The following LRRC4C variants were observed in gnomAD, a reference collection of about 807,000 sequenced individuals.
LRRC4C encodes leucine-rich repeat-containing protein 4C.
A neutral mutation model predicts 33.6 loss-of-function variants in LRRC4C; 5 were observed. That is an observed-to-expected ratio of 0.15 (90% CI 0.08 to 0.31). The LOEUF (loss-of-function observed/expected upper bound fraction) is 0.31, where lower values mean the gene tolerates loss of function less well. Among genes scored for constraint, LRRC4C ranks in the 10% least tolerant of loss-of-function variants. LRRC4C has a pLI of 1.00. For missense variants in LRRC4C, 560 were observed against 796.7 expected (o/e 0.70, Z 3.58); for synonymous variants, 329 against 302.0 (o/e 1.09, Z -0.93).
chr11:41,231,288 C>T (rs1043904467), intron 1 of LRRC4C, among the ~76,000 whole-genome samples: 1 of 152,070 alleles, frequency 6.6e-6, no homozygotes, highest in Non-Finnish European at 1.5e-5. Context: ...GATTATAAAT[C>T]ATGCTGCTAT....
intron 1 of LRRC4C, among the ~76,000 whole-genome samples, chr11:41,056,420 T>C (rs1441913438): frequency 6.6e-6 from 1 of 152,186 alleles, no homozygotes; most frequent in Non-Finnish European, 1.5e-5. Context: ...AAGTGAGACC[T>C]AATTAAACTA....
chr11:41,099,942 T>G (rs929124742), intron 1 of LRRC4C, among the ~76,000 whole-genome samples: 1 of 152,126 alleles, frequency 6.6e-6, no homozygotes, highest in African/African-American at 2.4e-5. Flanking sequence ...GAAAACCCCA[T>G]AGTCTGAGTG....
chr11:40,980,915 C>G (rs900795787), intron 1 of LRRC4C, among the ~76,000 whole-genome samples: 2 of 152,286 alleles, frequency 1.3e-5, no homozygotes, highest in African/African-American at 2.4e-5. Flanking sequence ...ACGTAATAAA[C>G]AGTAACACAT....
intron 5 of LRRC4C, among the ~76,000 whole-genome samples, chr11:40,178,204 T>C (rs1860677221): frequency 6.6e-6 from 1 of 152,120 alleles, no homozygotes; most frequent in Admixed American, 6.5e-5. Flanking sequence ...TAAAGCGAGC[T>C]TCCAAAGAGT....
intron 2 of LRRC4C, among the ~76,000 whole-genome samples, chr11:40,865,363 G>T (rs911621722): frequency 6.6e-6 from 1 of 152,064 alleles, no homozygotes; most frequent in Non-Finnish European, 1.5e-5. Context: ...ATAGGAGGAT[G>T]ATTGTACAGC....
chr11:40,837,516 G>T (rs1952724795), intron 2 of LRRC4C, among the ~76,000 whole-genome samples: 1 of 151,756 alleles, frequency 6.6e-6, no homozygotes, highest in South Asian at 2.1e-4. Context: ...ATATTGTGAA[G>T]ATTATTAAAA....
At chr11:40,969,215 G>A (rs1007855449) in intron 1 of LRRC4C, among the ~76,000 whole-genome samples, 15 of 152,258 alleles carry the variant, frequency 9.9e-5, no homozygotes, top group Admixed American at 2.0e-4. Flanking sequence ...TAGAAGTGGT[G>A]TCTAAAGCTG....
At chr11:41,192,446 TACACAC>T (rs932733770) in intron 1 of LRRC4C, among the ~76,000 whole-genome samples, 2 of 150,408 alleles carry the variant, frequency 1.3e-5, no homozygotes, top group African/African-American at 2.4e-5. Context: ...TAGAAATGTA[TACACAC>T]ACACACACAT....
chr11:41,104,308 A>G (rs1339055451), intron 1 of LRRC4C, among the ~76,000 whole-genome samples: 2 of 151,948 alleles, frequency 1.3e-5, no homozygotes, highest in African/African-American at 4.8e-5. Flanking sequence ...ACAGATTTGA[A>G]TATGTATTTC....
chr11:40,196,588 A>C (rs1412048391), intron 5 of LRRC4C, among the ~76,000 whole-genome samples: 1 of 152,212 alleles, frequency 6.6e-6, no homozygotes, highest in Non-Finnish European at 1.5e-5. Flanking sequence ...ATACACATGC[A>C]CAAGTATGCA....
chr11:40,420,153 G>C (rs187013622), intron 3 of LRRC4C, among the ~76,000 whole-genome samples: 2 of 152,288 alleles, frequency 1.3e-5, no homozygotes, highest in East Asian at 3.9e-4. Flanking sequence ...GCAAATAGTT[G>C]GTGGTGACCG....
At chr11:40,710,122 G>A (rs528526438) in intron 2 of LRRC4C, among the ~76,000 whole-genome samples, 87 of 152,164 alleles carry the variant, frequency 5.7e-4, no homozygotes, top group African/African-American at 1.8e-3. Context: ...GCTTCTTTGC[G>A]ATGGGTTTGA....
At chr11:41,191,676 G>A (rs898712234) in intron 1 of LRRC4C, among the ~76,000 whole-genome samples, 9 of 152,090 alleles carry the variant, frequency 5.9e-5, no homozygotes, top group African/African-American at 9.7e-5. Context: ...ATTACAACTC[G>A]GGTGCTTTAG....
At position 40,249,613 on chromosome 11, in the gene LRRC4C, T is replaced by C. The variant is rs1054077347; in HGVS notation, c.-175-8015A>G. Among the ~76,000 whole-genome samples the C allele has an allele frequency of 4.6e-5, 7 of 150,926 alleles. No individual in the cohort carries two copies. In the East Asian group the frequency reaches 1.4e-3, roughly 29 times the overall value. On this transcript the variant is annotated intron_variant, in intron 4 of 6. Transcript: ENST00000528697. ...ATATGAAATATATTGTATATATGTA[T>C]GCGTATACACATGCCCACACGAAAA...
At chr11:40,496,744 G>A (rs1954481914) in intron 3 of LRRC4C, among the ~76,000 whole-genome samples, 1 of 152,146 alleles carries the variant, frequency 6.6e-6, no homozygotes, top group Admixed American at 6.5e-5. Flanking sequence ...CTGAAACCAT[G>A]TGTTTAGATG....
Position 40,452,550 on chromosome 11 carries a change from T to G in LRRC4C, c.-269-132829A>C, listed in dbSNP as rs1375827934. ...GAAACAACAGGTGCTGGAGAGGATG[T>G]GGAGAAATAGGAACACTTTTACACT... On this transcript the variant is annotated intron_variant, in intron 3 of 6. Coordinates refer to ENST00000528697, the MANE Select transcript of LRRC4C (RefSeq NM_001258419.2). Among the ~76,000 whole-genome samples, 4 of 152,286 alleles carry G rather than the reference T, an allele frequency of 2.6e-5. No homozygotes were observed. The South Asian group carries it at 6.2e-4, about 24-fold the overall frequency.
intron 3 of LRRC4C, among the ~76,000 whole-genome samples, chr11:40,636,546 T>C (rs1305611116): frequency 1.3e-5 from 2 of 152,090 alleles, no homozygotes; most frequent in African/African-American, 2.4e-5. Flanking sequence ...GATAGAGAAA[T>C]GGCACTAGGA....
intron 1 of LRRC4C, among the ~76,000 whole-genome samples, chr11:41,321,979 C>CTCA (rs1273181540): frequency 6.6e-6 from 1 of 152,044 alleles, no homozygotes; most frequent in Non-Finnish European, 1.5e-5. Flanking sequence ...ATTCTCCTGC[C>CTCA]TCAACCTCCT....
intron 3 of LRRC4C, among the ~76,000 whole-genome samples, chr11:40,389,496 T>C (rs1342618172): frequency 6.6e-6 from 1 of 151,854 alleles, no homozygotes; most frequent in African/African-American, 2.4e-5. Flanking sequence ...AAAAAACCAT[T>C]ATTTTTTCAC....
Sources: allele counts gnomAD v4.1 joint callset (sites outside exome capture counted in the v4.1 genomes callset), GRCh38; gene constraint gnomAD v4.1.1; transcripts MANE v1.5; gene names NCBI Gene and HGNC (gene_info 2026-07-23, HGNC 2026-07-21).